The following STAG3 variants were observed in gnomAD, a reference collection of about 807,000 sequenced individuals.
STAG3 encodes the protein STAG3 cohesin complex component, also known as cohesin subunit SA-3.
STAG3 carries 101 observed loss-of-function variants against 160.7 expected under a neutral mutation model. The ratio of observed to expected loss-of-function variants is 0.63; its 90% CI spans 0.54 to 0.74. STAG3 has a LOEUF of 0.74. Among genes scored for constraint, STAG3 ranks in the 30% least tolerant of loss-of-function variants. STAG3 has a pLI of 0.00. For synonymous variants in STAG3, 519 were observed against 585.0 expected, an observed-to-expected ratio of 0.89 and a Z score of 1.63; for missense variants, 1,188 against 1,517.4, an observed-to-expected ratio of 0.78 and a Z score of 3.61.
In STAG3 at chr7:100,195,274, C is replaced by T. The variant is rs957100555; in HGVS notation, c.868-35C>T. 3 of 1,594,748 alleles carry T rather than the reference C, an allele frequency of 1.9e-6. No individual in the cohort carries two copies. The African/African-American group carries it at 4.0e-5, about 21-fold the overall frequency. On this transcript the variant is annotated intron_variant, in intron 8 of 33. Transcript: ENST00000615138. Reference sequence around the variant, plus strand: ...TCAGGGCCTTATGCTTGTTAGGGTACAAGAAAGATTAACCCGTTTCTCCCT... The same window carrying T: ...TCAGGGCCTTATGCTTGTTAGGGTATAAGAAAGATTAACCCGTTTCTCCCT...
rs1289077894 is a variant in STAG3 at position 100,199,275 on chromosome 7, C to G, written c.1481C>G (p.Ala494Gly). The change falls in exon 15 of 34, where the codon GCT becomes GGT. Residue 494 changes from alanine to glycine, a missense_variant. Physicochemically the swap from Ala to Gly is moderately conservative, Grantham distance 60. Coordinates refer to ENST00000615138, the MANE Select transcript of STAG3 (RefSeq NM_001282717.2). Reference sequence around the variant, plus strand: ...GTTCTCCCCTAGCTCCATGACCACGCTGCTTACTTAGTAGACAGTCTGTGG... The same window carrying G: ...GTTCTCCCCTAGCTCCATGACCACGGTGCTTACTTAGTAGACAGTCTGTGG... ...FFVESELHDHAAYLVDSLWDC... is the reference protein window; with the variant it reads ...FFVESELHDHGAYLVDSLWDC... 13 of 1,613,838 alleles carry G rather than the reference C, an allele frequency of 8.1e-6. No homozygotes were observed. The highest frequency in any genetic ancestry group is 1.1e-5 in the Non-Finnish European group (13 of 1,179,668).
rs1382305792 is a variant in STAG3, at chr7:100,182,141, G to A, written c.168G>A (p.Leu56=). 1 of 1,613,522 alleles carries A rather than the reference G, an allele frequency of 6.2e-7. No homozygotes were observed. Among genetic ancestry groups the A allele is most frequent in the Non-Finnish European group, 8.5e-7 (1 of 1,179,924 alleles). ...ADEDTDFEDS[L]NRNVKKRAAK... is the part of the protein sequence containing the mutation. ...AAGACACTGACTTTGAAGACAGCTT[G>A]AATCGCAATGTGAAGAAGAGAGCAG... Residue 56 remains leucine (L), a synonymous_variant, in exon 3 of 34, where the codon TTG becomes TTA. Transcript: ENST00000615138.
chr7:100,206,540 C>T (rs529202362), intron 29 of STAG3, among the ~76,000 whole-genome samples: 11 of 151,962 alleles, frequency 7.2e-5, no homozygotes, highest in African/African-American at 2.2e-4. Flanking sequence ...GGCGTGATCT[C>T]GACTCACTGC....
intron 30 of STAG3, 62 bp downstream of exon 30, chr7:100,211,247 C>CTTGCTG: frequency 6.6e-7 from 1 of 1,526,690 alleles, no homozygotes; most frequent in Non-Finnish European, 8.8e-7. Flanking sequence ...CTGCCTCCAT[C>CTTGCTG]TTGCTGTTTC....
chr7:100,194,967 C>T (rs1229957252), intron 8 of STAG3, among the ~76,000 whole-genome samples: 1 of 152,114 alleles, frequency 6.6e-6, no homozygotes, highest in Non-Finnish European at 1.5e-5. Context: ...AGGGTTGTCA[C>T]ACACCTTTAG....
chr7:100,186,732 T>C (rs938347646), intron 5 of STAG3, among the ~76,000 whole-genome samples: 3 of 152,164 alleles, frequency 2.0e-5, no homozygotes, highest in Non-Finnish European at 4.4e-5. Flanking sequence ...TTTTTATTGA[T>C]AAATATGGGA....
rs1035604900 is a variant in STAG3 at position 100,213,352 on chromosome 7, C to T, written c.3601-383C>T. ...TCTGCTGTTATTCTTCTGTTCTCTT[C>T]TCTGCAGGGAAGGAAAAAGAACAGA... On this transcript the variant is annotated intron_variant, in intron 32 of 33. Transcript: ENST00000615138. 6.1e-6 allele frequency: 6 copies of T among 985,288 alleles called. No homozygotes were observed. The African/African-American group carries it at 1.0e-4, about 17-fold the overall frequency. 61.0% of individuals were successfully genotyped at this position (985,288 alleles called of 1,614,324 possible).
chr7:100,204,580 C>A, intron 26 of STAG3, 47 bp from the exon 27 acceptor site: 1 of 1,593,626 alleles, frequency 6.3e-7, no homozygotes, highest in Non-Finnish European at 8.6e-7. Context: ...TCTCTGTTTC[C>A]GCCGTGTTCC....
downstream of STAG3, among the ~76,000 whole-genome samples, chr7:100,216,116 G>C (rs1200513635): frequency 6.6e-6 from 1 of 152,172 alleles, no homozygotes; most frequent in Non-Finnish European, 1.5e-5. Flanking sequence ...CTGAGGTCCA[G>C]GGATCAGGGA....
chr7:100,187,039 T>G (rs1275772007), intron 5 of STAG3, among the ~76,000 whole-genome samples: 1 of 151,982 alleles, frequency 6.6e-6, no homozygotes, highest in Admixed American at 6.5e-5. Context: ...TGTTTTTTTT[T>G]GTTTTTTTTT....
chr7:100,180,910 C>T (rs1799608356), intron 2 of STAG3: 2 of 323,260 alleles, frequency 6.2e-6, no homozygotes, highest in East Asian at 7.1e-5. Context: ...GACGGAGTCT[C>T]GCCCTGTCGC....
intron 8 of STAG3, among the ~76,000 whole-genome samples, chr7:100,192,210 A>G (rs1459606530): frequency 1.3e-5 from 2 of 152,130 alleles, no homozygotes; most frequent in Non-Finnish European, 2.9e-5. Context: ...TGAACCACAA[A>G]TGTTCTTTAT....
At position 100,201,939 on chromosome 7, in the gene STAG3, G is replaced by A. The variant is rs1801170044; in HGVS notation, c.2302-10G>A. 2 of 1,614,004 alleles carry A rather than the reference G, an allele frequency of 1.2e-6. No individual in the cohort carries two copies. The highest frequency in any genetic ancestry group is 2.7e-5 in the African/African-American group (2 of 74,880). On this transcript the variant is annotated splice_polypyrimidine_tract_variant and intron_variant, in intron 22 of 33. Transcript: ENST00000615138. The stretch of plus-strand genomic sequence containing the variant: ...CTTCATTCTTCCCCTTCAAGCCACT[G>A]TGCCCACAGAAGCAGCTGTCGAGTT...
rs756610854 is a variant in STAG3 at position 100,205,016 on chromosome 7, A to T, written c.2963A>T (p.Gln988Leu). The T allele has an allele frequency of 6.2e-7, 1 of 1,613,670 alleles. No homozygotes were observed. Among genetic ancestry groups the T allele is most frequent in the South Asian group, 1.1e-5 (1 of 91,068 alleles). The change falls in exon 28 of 34, where the codon CAG becomes CTG. Residue 988 changes from glutamine to leucine, a missense_variant. Gln to Leu is a moderately radical substitution (Grantham distance 113, BLOSUM62 -2). Transcript: ENST00000615138. Reference protein sequence around the residue: ...LVVMLHKEGIQFSLSELPPAG... With the variant: ...LVVMLHKEGILFSLSELPPAG... ...TCTGCCCAACCAAGGGAAGGCATCCAGTTCTCCTTGTCTGAGCTTCCTCCA... is the reference window on the plus strand; with the variant it reads ...TCTGCCCAACCAAGGGAAGGCATCCTGTTCTCCTTGTCTGAGCTTCCTCCA...
At chr7:100,193,051 G>T (rs1800439805) in intron 8 of STAG3, among the ~76,000 whole-genome samples, 1 of 152,202 alleles carries the variant, frequency 6.6e-6, no homozygotes, top group African/African-American at 2.4e-5. Flanking sequence ...CATGAAAAAA[G>T]CAACATGGAT....
chr7:100,189,281 A>G (rs1476007775), intron 7 of STAG3, among the ~76,000 whole-genome samples, 164 bp from the exon 8 acceptor site: 3 of 152,186 alleles, frequency 2.0e-5, no homozygotes, highest in Non-Finnish European at 2.9e-5. Context: ...CAAGGGTTCG[A>G]GGGAAACAGT....
At chr7:100,212,916 A>T (rs953144456) in intron 32 of STAG3, 2 of 152,826 alleles carry the variant, frequency 1.3e-5, no homozygotes, top group Non-Finnish European at 2.9e-5. Context: ...AAAATAAATA[A>T]AATGGACCTT....
intron 12 of STAG3, 122 bp downstream of exon 12, chr7:100,198,288 G>A (rs1800825475): frequency 2.7e-6 from 3 of 1,103,152 alleles, no homozygotes; most frequent in South Asian, 1.3e-5. Context: ...TTCCTGAGTT[G>A]CAGTATGTTG....
chr7:100,211,077 T>TCC lies in STAG3; in HGVS notation c.3307_3308dup (p.Pro1104ArgfsTer11). ...GAAGAAAGTCTGCAGCTGAACAGCA[T>TCC]CCCGCCCACGCCCACCCTCACCTCC... is the stretch of plus-strand genomic sequence containing the variant. On this transcript the variant is annotated frameshift_variant, in exon 30 of 34. Coordinates refer to ENST00000615138, the MANE Select transcript of STAG3 (RefSeq NM_001282717.2). LOFTEE classifies it high-confidence loss of function. 1 of 1,600,806 alleles carries TCC rather than the reference T, an allele frequency of 6.2e-7. No homozygotes were observed. The highest frequency in any genetic ancestry group is 8.6e-7 in the Non-Finnish European group (1 of 1,168,824).
Sources: allele counts gnomAD v4.1 joint callset (sites outside exome capture counted in the v4.1 genomes callset), GRCh38; gene constraint gnomAD v4.1.1; transcripts MANE v1.5; gene names NCBI Gene and HGNC (gene_info 2026-07-23, HGNC 2026-07-21).